Variants in EGF observed in about 807,000 individuals in gnomAD.
EGF encodes the protein pro-epidermal growth factor.
A neutral mutation model predicts 143.8 loss-of-function variants in EGF; 95 were observed. That is an observed-to-expected ratio of 0.66 (90% confidence interval 0.56 to 0.78). The LOEUF (loss-of-function observed/expected upper bound fraction) is 0.78. Among genes scored for constraint, EGF ranks in the 30% least tolerant of loss-of-function variants. The pLI, the probability that EGF is intolerant of heterozygous loss-of-function variation, is 0.00. For synonymous variants in EGF, 510 were observed against 510.5 expected (o/e 1.00, Z 0.01); for missense variants, 1,320 against 1,470.9 (o/e 0.90, Z 1.68).
intron 20 of EGF, among the ~76,000 whole-genome samples, chr4:109,997,954 T>C (rs1752050367): frequency 6.6e-6 from 1 of 152,246 alleles, no homozygotes; most frequent in Non-Finnish European, 1.5e-5. Context: ...GGCAAACTTA[T>C]TTGGCCACAG....
chr4:109,974,759 A>G lies in EGF; in HGVS notation c.1781A>G (p.Lys594Arg). The G allele has an allele frequency of 6.2e-7, 1 of 1,613,712 alleles. No individual in the cohort carries two copies. Residue 594 changes from lysine (K) to arginine (R), a missense_variant, in exon 12 of 24, where the codon AAG becomes AGG. Lys to Arg is a conservative substitution (Grantham distance 26). Transcript: ENST00000265171. The stretch of plus-strand genomic sequence containing the variant: ...GGGAAACGTTCCAAAATAATCACTA[A>G]GGAGAACATCTCTCAACCACGAGGA... ...LNGKRSKIIT[K>R]ENISQPRGIA...
chr4:109,941,324 A>C (rs1458794867), intron 2 of EGF, among the ~76,000 whole-genome samples, 179 bp downstream of exon 2: 1 of 152,224 alleles, frequency 6.6e-6, no homozygotes, highest in African/African-American at 2.4e-5. Flanking sequence ...AAATTCACAC[A>C]TTGATATTTA....
In EGF at chr4:109,960,737, C is replaced by T. The variant is rs1036593755; in HGVS notation, c.1067-130C>T. On this transcript the variant is annotated intron_variant, in intron 6 of 23. Transcript: ENST00000265171. ...TTACCCTTTGCTAGAGTATGGAAAA[C>T]AGACTTTCCATGATCAATTACAGCA... is the stretch of plus-strand genomic sequence containing the variant. The T allele has an allele frequency of 1.3e-5, 14 of 1,042,526 alleles. No homozygotes were observed. In the African/African-American group the frequency reaches 2.1e-4, roughly 15 times the overall value. 64.6% of individuals were successfully genotyped at this position (1,042,526 alleles called of 1,614,324 possible). A position where few individuals can be genotyped will look rare whatever the true frequency, so the allele number is the denominator to read the frequency against.
chr4:109,924,551 T>C (rs12503113), intron 1 of EGF, among the ~76,000 whole-genome samples: 75,186 of 151,082 alleles, frequency 0.5, 20,387 homozygotes, highest in East Asian at 0.7. Context: ...ACACAGGGAT[T>C]CCTGACAGGG....
rs1178491955 is a variant in EGF, at chr4:110,011,702, G to T, written c.*247G>T. 9 of 554,868 alleles carry T rather than the reference G, an allele frequency of 1.6e-5. No homozygotes were observed. The highest frequency in any genetic ancestry group is 2.9e-5 in the Non-Finnish European group (9 of 315,694). 34.4% of individuals were successfully genotyped at this position (554,868 alleles called of 1,614,324 possible). ...GGTAACTTATTAGAAACCCAAATTGGGACAACAGTGCTTTGTAAATTGTGT... is the reference window on the plus strand; with the variant it reads ...GGTAACTTATTAGAAACCCAAATTGTGACAACAGTGCTTTGTAAATTGTGT... On this transcript the variant is annotated 3_prime_UTR_variant, in exon 24 of 24. Transcript: ENST00000265171.
chr4:109,981,698 A>G (rs1348719218), intron 15 of EGF, among the ~76,000 whole-genome samples: 1 of 152,194 alleles, frequency 6.6e-6, no homozygotes, highest in Non-Finnish European at 1.5e-5. Context: ...CAGATTGATG[A>G]AAAATAAACA....
intron 23 of EGF, among the ~76,000 whole-genome samples, chr4:110,009,419 A>C (rs755178243): frequency 1.1e-4 from 16 of 152,066 alleles, no homozygotes; most frequent in Non-Finnish European, 1.9e-4. Context: ...AATTCTTACA[A>C]TGGTAACCCA....
intron 22 of EGF, among the ~76,000 whole-genome samples, chr4:110,006,608 G>A (rs373387558): frequency 1.3e-5 from 2 of 152,192 alleles, no homozygotes; most frequent in East Asian, 3.8e-4. Flanking sequence ...GATGTCACTT[G>A]TCAGTCTACA....
intron 1 of EGF, among the ~76,000 whole-genome samples, chr4:109,919,287 G>GTCTCTCTCTCTC (rs58110007): frequency 9.2e-5 from 7 of 75,840 alleles, no homozygotes; most frequent in African/African-American, 2.5e-4. Context: ...ATGCTTCTCT[G>GTCTCTCTCTCTC]TCTCTCTCTC....
intron 22 of EGF, 102 bp downstream of exon 22, chr4:110,004,724 T>G: frequency 1.1e-6 from 1 of 902,834 alleles, no homozygotes; most frequent in Non-Finnish European, 1.6e-6. Context: ...GAATCAGTTA[T>G]AGCTTCCAGC....
In EGF at chr4:109,994,754, T is replaced by C; in HGVS notation, c.2879T>C (p.Leu960Pro). 1 of 1,614,142 alleles carries C rather than the reference T, an allele frequency of 6.2e-7. No individual in the cohort carries two copies. Among genetic ancestry groups the C allele is most frequent in the South Asian group, 1.1e-5 (1 of 91,090 alleles). ...ICPDSTPPPHLREDDHHYSVR... is the reference protein window; with the variant it reads ...ICPDSTPPPHPREDDHHYSVR... Reference sequence around the variant, plus strand: ...TTAGACTCTACTCCACCCCCTCACCTCAGGGAAGATGACCACCACTATTCC... The same window carrying C: ...TTAGACTCTACTCCACCCCCTCACCCCAGGGAAGATGACCACCACTATTCC... Residue 960 changes from leucine (L) to proline (P), a missense_variant, in exon 20 of 24, where the codon CTC becomes CCC. Leu to Pro is a moderately conservative substitution (Grantham distance 98). Coordinates refer to ENST00000265171, the MANE Select transcript of EGF (RefSeq NM_001963.6).
At chr4:109,960,554 A>G (rs1745515889) in intron 6 of EGF, among the ~76,000 whole-genome samples, 1 of 152,126 alleles carries the variant, frequency 6.6e-6, no homozygotes, top group South Asian at 2.1e-4. Context: ...CTGAGGTGGG[A>G]GGATCACTTG....
rs192187002 is a variant in EGF at position 109,954,501 on chromosome 4, A to G, written c.941-4811A>G. 2.7e-3 allele frequency among the ~76,000 whole-genome samples: 408 copies of G among 152,336 alleles called. 3 individuals carry two copies. The highest frequency in any genetic ancestry group is 9.2e-3 in the African/African-American group (383 of 41,578). ...CTGTAATTAGGAATTCCAATAGCAC[A>G]GAACGGCCATTCTTGTATTTTCTTC... is the stretch of plus-strand genomic sequence containing the variant. On this transcript the variant is annotated intron_variant, in intron 5 of 23. Transcript: ENST00000265171.
intron 5 of EGF, among the ~76,000 whole-genome samples, chr4:109,950,470 C>T (rs1743694571): frequency 6.6e-6 from 1 of 152,166 alleles, no homozygotes; most frequent in African/African-American, 2.4e-5. Context: ...TCCATTTTCT[C>T]TGCTGCAGGG....
chr4:110,008,930 C>T (rs941749651), intron 23 of EGF, among the ~76,000 whole-genome samples: 1 of 152,170 alleles, frequency 6.6e-6, no homozygotes, highest in Non-Finnish European at 1.5e-5. Context: ...TGTCGTGAGC[C>T]TTTGGAAAGG....
At chr4:109,951,826 C>A (rs1743978917) in intron 5 of EGF, among the ~76,000 whole-genome samples, 2 of 152,092 alleles carry the variant, frequency 1.3e-5, no homozygotes, top group Admixed American at 1.3e-4. Context: ...TTTAGATGTA[C>A]CTTATTTGTT....
At chr4:110,004,220 AC>A (rs1185088859) in intron 21 of EGF, 1 of 383,066 alleles carries the variant, frequency 2.6e-6, no homozygotes. Flanking sequence ...ATACATACAC[AC>A]ACACACACAC....
intron 15 of EGF, 72 bp from the exon 16 acceptor site, chr4:109,983,344 TCGTAAA>T: frequency 6.6e-7 from 1 of 1,508,238 alleles, no homozygotes; most frequent in Non-Finnish European, 9.1e-7. Context: ...CAATGAATAG[TCGTAAA>T]CATAAATGAA....
At chr4:109,946,264 C>A (rs1045856811) in intron 5 of EGF, among the ~76,000 whole-genome samples, 24 of 152,168 alleles carry the variant, frequency 1.6e-4, no homozygotes, top group African/African-American at 5.6e-4. Flanking sequence ...CATTCACTCC[C>A]CTACATAAAA....
Sources: gnomAD v4.1 joint callset for allele counts (sites outside exome capture counted in the v4.1 genomes callset) on GRCh38, gnomAD v4.1.1 for gene constraint, MANE v1.5 for transcripts, NCBI Gene and HGNC (gene_info 2026-07-23, HGNC 2026-07-21) for gene names.